Variants in SUSD4 observed in about 807,000 individuals in gnomAD.
SUSD4 encodes sushi domain containing 4.
SUSD4 carries 41 observed loss-of-function variants against 50.5 expected under a neutral mutation model. The ratio of observed to expected loss-of-function variants is 0.81; its 90% CI spans 0.63 to 1.05. SUSD4 has a LOEUF of 1.05. SUSD4 is among the 50% of genes least tolerant of loss of function. The pLI is 0.00. For synonymous variants in SUSD4, 257 were observed against 257.3 expected (o/e 1.00, Z 0.01); for missense variants, 580 against 634.7 (o/e 0.91, Z 0.93).
chr1:223,331,415 C>A (rs910784616), intron 2 of SUSD4, among the ~76,000 whole-genome samples: 3 of 152,134 alleles, frequency 2.0e-5, no homozygotes, highest in African/African-American at 4.8e-5. Context: ...AGCTGTGAAA[C>A]CTTGTGTGCC....
At chr1:223,303,092 G>A (rs755674762) in intron 2 of SUSD4, among the ~76,000 whole-genome samples, 1 of 152,148 alleles carries the variant, frequency 6.6e-6, no homozygotes, top group Non-Finnish European at 1.5e-5. Flanking sequence ...AGGCTATAGT[G>A]AGCTACGGTG....
intron 5 of SUSD4, among the ~76,000 whole-genome samples, chr1:223,241,594 T>A (rs1163148824): frequency 6.6e-6 from 1 of 152,168 alleles, no homozygotes; most frequent in East Asian, 1.9e-4. Flanking sequence ...GTCTGTTCAG[T>A]TTTTTACTCA....
chr1:223,341,608 T>A (rs969897328), intron 2 of SUSD4, among the ~76,000 whole-genome samples: 2 of 152,094 alleles, frequency 1.3e-5, no homozygotes, highest in Non-Finnish European at 2.9e-5. Context: ...ACCCAAGTGT[T>A]CTCAGGTTCA....
chr1:223,323,314 T>G (rs748964636), intron 2 of SUSD4, among the ~76,000 whole-genome samples: 4 of 152,154 alleles, frequency 2.6e-5, no homozygotes, highest in Non-Finnish European at 4.4e-5. Context: ...AGCTAAAAGC[T>G]GTTTTCTGCA....
rs80204900 is a variant in SUSD4, at chr1:223,262,616, A to G, written c.724+2014T>C. Among the ~76,000 whole-genome samples, 35 of 152,298 alleles carry G rather than the reference A, an allele frequency of 2.3e-4. No individual in the cohort carries two copies. In the East Asian group the frequency reaches 6.6e-3, roughly 29 times the overall value. On this transcript the variant is annotated intron_variant, in intron 5 of 8. Transcript: ENST00000366878. ...TACCTCTTAGTTTAACCCACTGCTTAATTCAACCCAGTTTCTATCAAGTCT... is the reference window on the plus strand; with the variant it reads ...TACCTCTTAGTTTAACCCACTGCTTGATTCAACCCAGTTTCTATCAAGTCT...
At chr1:223,359,950 T>G (rs1379573432) in intron 2 of SUSD4, among the ~76,000 whole-genome samples, 8 of 152,184 alleles carry the variant, frequency 5.3e-5, no homozygotes, top group Admixed American at 5.2e-4. Flanking sequence ...AGGCACTCAA[T>G]GTTTATTGAA....
At chr1:223,241,445 C>T (rs562237134) in intron 5 of SUSD4, among the ~76,000 whole-genome samples, 3 of 152,278 alleles carry the variant, frequency 2.0e-5, no homozygotes, top group Admixed American at 2.0e-4. Context: ...TCTTGTTTCC[C>T]TTGGTGGTTT....
chr1:223,337,008 T>A (rs1354172263), intron 2 of SUSD4, among the ~76,000 whole-genome samples: 2 of 152,206 alleles, frequency 1.3e-5, no homozygotes, highest in Non-Finnish European at 2.9e-5. Context: ...AAGTACTTCA[T>A]AAGTACTCTT....
chr1:223,303,710 C>T lies in SUSD4; in HGVS notation c.149-11059G>A, dbSNP rs146181193. ...GCCGCCAATGTACTGGATATGCCAG[C>T]ATTTATTATTAAGTTTAGTGAGGGC... On this transcript the variant is annotated intron_variant, in intron 2 of 8. Coordinates refer to ENST00000366878, the MANE Select transcript of SUSD4 (RefSeq NM_017982.4). Among the ~76,000 whole-genome samples the T allele has an allele frequency of 4.4e-3, 666 of 152,188 alleles. 8 individuals are homozygous for T. The highest frequency in any genetic ancestry group is 0.015 in the African/African-American group (634 of 41,524).
intron 5 of SUSD4, among the ~76,000 whole-genome samples, chr1:223,241,943 AGTATGTAT>A (rs895785038): frequency 1.5e-4 from 23 of 152,018 alleles, no homozygotes; most frequent in African/African-American, 5.6e-4. Flanking sequence ...TAATAATTAG[AGTATGTAT>A]GTATGTATGA....
chr1:223,307,021 A>AT (rs761232251), intron 2 of SUSD4, among the ~76,000 whole-genome samples: 3 of 151,514 alleles, frequency 2.0e-5, no homozygotes, highest in Non-Finnish European at 2.9e-5. Flanking sequence ...TCTTTTACAA[A>AT]TTATTTTAAG....
intron 2 of SUSD4, among the ~76,000 whole-genome samples, chr1:223,325,844 T>G (rs1572065577): frequency 6.6e-6 from 1 of 152,062 alleles, no homozygotes. Context: ...CGGAGAACTA[T>G]AAAACACTGC....
intron 2 of SUSD4, among the ~76,000 whole-genome samples, chr1:223,299,127 A>T (rs1665024092): frequency 6.6e-6 from 1 of 152,214 alleles, no homozygotes; most frequent in African/African-American, 2.4e-5. Context: ...CCCCTAGCAG[A>T]TCAATTCCCA....
chr1:223,259,329 G>T (rs2103062025), intron 5 of SUSD4, among the ~76,000 whole-genome samples: 1 of 152,278 alleles, frequency 6.6e-6, no homozygotes, highest in South Asian at 2.1e-4. Context: ...TTGTTGAAGG[G>T]AGGACTTCTG....
At chr1:223,273,794 G>A (rs1205519744) in intron 3 of SUSD4, among the ~76,000 whole-genome samples, 1 of 152,190 alleles carries the variant, frequency 6.6e-6, no homozygotes, top group Non-Finnish European at 1.5e-5. Flanking sequence ...GGAAAAAAGA[G>A]GTGTTGTCCA....
chr1:223,313,580 A>G (rs957657788), intron 2 of SUSD4, among the ~76,000 whole-genome samples: 1 of 152,194 alleles, frequency 6.6e-6, no homozygotes, highest in African/African-American at 2.4e-5. Context: ...GGGTGACTCC[A>G]TCTTGAATAG....
chr1:223,228,224 A>T (rs1659658718), intron 6 of SUSD4, among the ~76,000 whole-genome samples: 2 of 152,202 alleles, frequency 1.3e-5, no homozygotes, highest in Non-Finnish European at 2.9e-5. Flanking sequence ...TCTAGCCATC[A>T]ACTGCCTGCC....
At chr1:223,249,780 C>CA (rs1234459124) in intron 5 of SUSD4, among the ~76,000 whole-genome samples, 2 of 152,056 alleles carry the variant, frequency 1.3e-5, no homozygotes, top group Admixed American at 6.6e-5. Flanking sequence ...AAACATAAAA[C>CA]AAAAAATGCA....
At chr1:223,251,194 G>T (rs1392845215) in intron 5 of SUSD4, among the ~76,000 whole-genome samples, 1 of 152,156 alleles carries the variant, frequency 6.6e-6, no homozygotes, top group Non-Finnish European at 1.5e-5. Context: ...AAGAAAAAAG[G>T]TGTAATTGGC....
Sources: gnomAD v4.1 joint callset for allele counts (sites outside exome capture counted in the v4.1 genomes callset) on GRCh38, gnomAD v4.1.1 for gene constraint, MANE v1.5 for transcripts, NCBI Gene and HGNC (gene_info 2026-07-23, HGNC 2026-07-21) for gene names.